Variants in MTAP observed in about 807,000 individuals in gnomAD.
The protein encoded by MTAP is S-methyl-5'-thioadenosine phosphorylase.
In MTAP, 33 loss-of-function variants were observed where a neutral mutation model predicts 33.6. The observed-to-expected ratio is 0.98, with a 90% CI of 0.74 to 1.31. The LOEUF (loss-of-function observed/expected upper bound fraction) is 1.31, where lower values mean the gene tolerates loss of function less well. Ranked by LOEUF, MTAP falls within the 40% of genes most tolerant of loss-of-function variation. The pLI, the probability that MTAP is intolerant of heterozygous loss-of-function variation, is 0.00. For missense variants in MTAP, 367 were observed against 360.0 expected (o/e 1.02, Z -0.16); for synonymous variants, 148 against 125.7 (o/e 1.18, Z -1.19).
rs540472085 is a variant in MTAP, at chr9:21,888,017, A to G, written c.147+33147A>G. Among the ~76,000 whole-genome samples the G allele has an allele frequency of 1.2e-4, 19 of 152,314 alleles. No homozygotes were observed. In the South Asian group the frequency reaches 3.9e-3, roughly 32 times the overall value. On this transcript the variant is annotated intron_variant, in intron 1 of 1. Coordinates refer to the MTAP transcript ENST00000577563. ...TTTACTGGATTAATTTGTCAGATCT[A>G]GGAGCTTTTTGGATCAGTCTTTAGG... is the stretch of plus-strand genomic sequence containing the variant.
chr9:21,809,353 C>T (rs1015949405), intron 1 of MTAP, among the ~76,000 whole-genome samples: 3 of 152,044 alleles, frequency 2.0e-5, no homozygotes, highest in African/African-American at 7.2e-5. Context: ...AATTTATGGT[C>T]TAGGGGCCGG....
In MTAP at chr9:21,922,679, TGTACACA is replaced by T. The variant is rs1220571350; in HGVS notation, c.148-8326_148-8320del. ...TCTTTGGCTGGAGAAGAAGGAGATC[TGTACACA>T]GTTTTCTTCTCCCCTTTCACTCTCC... On this transcript the variant is annotated intron_variant, in intron 1 of 1. Transcript: ENST00000577563. This position sits in a 1 kb window ranked among gnomAD's most constrained non-coding sequence, Gnocchi z 4.8. 1.3e-5 allele frequency among the ~76,000 whole-genome samples: 2 copies of T among 152,150 alleles called. No individual in the cohort carries two copies. Among genetic ancestry groups the T allele is most frequent in the Non-Finnish European group, 1.5e-5 (1 of 68,028 alleles).
In MTAP at chr9:21,823,839, C is replaced by T. The variant is rs934396838; in HGVS notation, c.347+5637C>T. On this transcript the variant is annotated intron_variant, in intron 4 of 7. Coordinates refer to ENST00000644715, the MANE Select transcript of MTAP (RefSeq NM_002451.4). ...TTTACTCTTTTTTCTCTAAACTTCT[C>T]GCTTCATTTCATTCATCTGATCTTC... 4.6e-5 allele frequency among the ~76,000 whole-genome samples: 7 copies of T among 152,252 alleles called. No individual in the cohort carries two copies. The South Asian group carries it at 8.3e-4, about 18-fold the overall frequency.
At chr9:21,817,599 T>G (rs1471230600) in intron 3 of MTAP, among the ~76,000 whole-genome samples, 2 of 151,982 alleles carry the variant, frequency 1.3e-5, no homozygotes, top group Non-Finnish European at 2.9e-5. Flanking sequence ...TTCTTGCTAT[T>G]AGGATATGGC....
chr9:21,872,497 G>A (rs1035058534), intron 1 of MTAP, among the ~76,000 whole-genome samples: 4 of 151,886 alleles, frequency 2.6e-5, no homozygotes, highest in African/African-American at 4.8e-5. Flanking sequence ...TTGTTGATTC[G>A]GTTGATACTC....
chr9:21,817,999 C>A, intron 3 of MTAP, 36 bp from the exon 4 acceptor site: 1 of 1,589,284 alleles, frequency 6.3e-7, no homozygotes, highest in South Asian at 1.1e-5. Flanking sequence ...GTGGTGTACT[C>A]ATCACGGGTT....
rs942429476 is a variant in MTAP at position 21,828,751 on chromosome 9, G to A, written c.348-9157G>A. Among the ~76,000 whole-genome samples the A allele has an allele frequency of 5.3e-5, 8 of 152,164 alleles. No homozygotes were observed. In the South Asian group the frequency reaches 1.4e-3, roughly 28 times the overall value. On this transcript the variant is annotated intron_variant, in intron 4 of 7. Transcript: ENST00000644715. ...TTTTTACATTGATTACTTATTTGGGGTGATAACGTTTTGAATATATTAGGT... is the reference window on the plus strand; with the variant it reads ...TTTTTACATTGATTACTTATTTGGGATGATAACGTTTTGAATATATTAGGT...
chr9:21,818,565 G>A (rs1292636920), intron 4 of MTAP, among the ~76,000 whole-genome samples: 3 of 151,840 alleles, frequency 2.0e-5, no homozygotes, highest in African/African-American at 4.8e-5. Flanking sequence ...GAGATCACCC[G>A]CCTCCGCCTC....
chr9:21,811,912 C>T, intron 1 of MTAP: 1 of 352,460 alleles, frequency 2.8e-6, no homozygotes, highest in Non-Finnish European at 5.6e-6. Context: ...GTTTTTATAT[C>T]TTGGGGGATC....
At chr9:21,815,677 T>C in intron 2 of MTAP, 158 bp downstream of exon 2, 1 of 641,528 alleles carries the variant, frequency 1.6e-6, no homozygotes. Flanking sequence ...GCTGTTGGGT[T>C]CCATCAGCTG....
intron 5 of MTAP, among the ~76,000 whole-genome samples, chr9:21,851,252 TAGA>T (rs1825503992): frequency 1.3e-5 from 2 of 152,312 alleles, no homozygotes; most frequent in South Asian, 4.2e-4. Flanking sequence ...GAATGGGTAG[TAGA>T]AGAAGGTAGT....
At chr9:21,873,601 T>C (rs903556804) in intron 1 of MTAP, among the ~76,000 whole-genome samples, 2 of 102,024 alleles carry the variant, frequency 2.0e-5, no homozygotes, top group Non-Finnish European at 3.6e-5. Context: ...ATCTTGGACT[T>C]CCACCCCCGC....
intron 1 of MTAP, among the ~76,000 whole-genome samples, chr9:21,885,779 GGTGTGTGTGT>G (rs34691018): frequency 0.034 from 4,951 of 144,414 alleles, 254 homozygotes; most frequent in African/African-American, 0.11. Context: ...AGTATTACAT[GGTGTGTGTGT>G]GTGTGTGTGT....
intron 1 of MTAP, among the ~76,000 whole-genome samples, chr9:21,873,560 C>A (rs1039123701): frequency 6.6e-6 from 1 of 151,822 alleles, no homozygotes; most frequent in Non-Finnish European, 1.5e-5. Context: ...AGAGTGGGCC[C>A]TCATCAGACA....
chr9:21,927,865 T>G (rs1439996640), intron 1 of MTAP, among the ~76,000 whole-genome samples: 2 of 152,204 alleles, frequency 1.3e-5, no homozygotes, highest in African/African-American at 4.8e-5. Context: ...ACCTAACAGC[T>G]TGGAATACTC....
chr9:21,875,422 G>A (rs1045901523), intron 1 of MTAP, among the ~76,000 whole-genome samples: 5 of 151,948 alleles, frequency 3.3e-5, no homozygotes, highest in South Asian at 4.2e-4. Context: ...CATATCCTTC[G>A]CCCACTTTTT....
chr9:21,807,381 G>T (rs895058951), intron 1 of MTAP, among the ~76,000 whole-genome samples: 1 of 152,164 alleles, frequency 6.6e-6, no homozygotes, highest in Non-Finnish European at 1.5e-5. Flanking sequence ...GAGTCCTTGT[G>T]TGGCTATCTG....
At chr9:21,851,674 T>C (rs1191405181) in intron 5 of MTAP, among the ~76,000 whole-genome samples, 4 of 152,160 alleles carry the variant, frequency 2.6e-5, no homozygotes, top group Non-Finnish European at 5.9e-5. Flanking sequence ...AAAGTATTGA[T>C]CCTGGGTGTG....
rs1045735416 is a variant in MTAP, at chr9:21,806,212, G to C, written c.33+3431G>C. 2.6e-5 allele frequency among the ~76,000 whole-genome samples: 4 copies of C among 152,130 alleles called. No homozygotes were observed. The South Asian group carries it at 8.3e-4, about 32-fold the overall frequency. On this transcript the variant is annotated intron_variant, in intron 1 of 7. Transcript: ENST00000644715. ...TCAGGCCAGAAGTCTTGGTGCTGGG[G>C]CTGAAGTCTAGGGTGGGAGCCATGG...
Sources: allele counts gnomAD v4.1 joint callset (sites outside exome capture counted in the v4.1 genomes callset), GRCh38; gene constraint gnomAD v4.1.1; non-coding constraint Gnocchi (gnomAD v3.1); transcripts MANE v1.5; gene names NCBI Gene and HGNC (gene_info 2026-07-23, HGNC 2026-07-21).